The following BTG4 variants were observed in gnomAD, a reference collection of about 807,000 sequenced individuals.
The protein encoded by BTG4 is BTG anti-proliferation factor 4.
A neutral mutation model predicts 19.3 loss-of-function variants in BTG4; 10 were observed. The observed-to-expected ratio is 0.52, with a 90% CI of 0.32 to 0.88. The LOEUF is 0.88. Ranked by LOEUF, BTG4 falls within the 40% of genes least tolerant of loss-of-function variation. The pLI is 0.04. For synonymous variants in BTG4, 91 were observed against 95.7 expected (o/e 0.95, Z 0.29); for missense variants, 238 against 281.9 (o/e 0.84, Z 1.11).
intron 1 of BTG4, among the ~76,000 whole-genome samples, chr11:111,500,466 T>C (rs1866000536): frequency 1.3e-5 from 2 of 152,238 alleles, no homozygotes; most frequent in African/African-American, 4.8e-5. Flanking sequence ...GATTTTCCTA[T>C]ATGTGCAGCC....
At chr11:111,426,097 AT>A in the BTG4 span, among the ~76,000 whole-genome samples, 1 of 152,304 alleles carries the variant, frequency 6.6e-6, no homozygotes, top group South Asian at 2.1e-4. Flanking sequence ...GAATGTTGGC[AT>A]CATTATCCAA....
At chr11:111,488,081 C>T (rs1865175457) in intron 5 of BTG4, among the ~76,000 whole-genome samples, 1 of 152,088 alleles carries the variant, frequency 6.6e-6, no homozygotes, top group Non-Finnish European at 1.5e-5. Context: ...CAATGACATT[C>T]TTCACAGAAA....
chr11:111,456,140 G>A, the BTG4 span, among the ~76,000 whole-genome samples: 1 of 152,210 alleles, frequency 6.6e-6, no homozygotes, highest in South Asian at 2.1e-4. The surrounding 1 kb of genome is among the most constrained non-coding windows in gnomAD (Gnocchi z 4.2). Context: ...TAGATCCGGA[G>A]GCACTTCCTG....
chr11:111,391,556 C>A, the BTG4 span, among the ~76,000 whole-genome samples: 1 of 152,062 alleles, frequency 6.6e-6, no homozygotes, highest in Non-Finnish European at 1.5e-5. Flanking sequence ...GCGGCACAGG[C>A]GGAGTTATGC....
chr11:111,460,554 G>C, the BTG4 span, among the ~76,000 whole-genome samples: 1 of 151,942 alleles, frequency 6.6e-6, no homozygotes, highest in African/African-American at 2.4e-5. Flanking sequence ...TGTTAAGAAA[G>C]CTCAGGGGAG....
chr11:111,491,433 T>C (rs1358623157), downstream of BTG4, among the ~76,000 whole-genome samples: 7 of 152,078 alleles, frequency 4.6e-5, no homozygotes, highest in African/African-American at 1.7e-4. Flanking sequence ...AATTTATAAT[T>C]ACCTCAAGAT....
At chr11:111,388,964 A>G in the BTG4 span, among the ~76,000 whole-genome samples, 1 of 152,260 alleles carries the variant, frequency 6.6e-6, no homozygotes, top group African/African-American at 2.4e-5. Flanking sequence ...TAAGCCCTCC[A>G]GTGACTCAGG....
At chr11:111,388,680 C>T in the BTG4 span, among the ~76,000 whole-genome samples, 1 of 152,186 alleles carries the variant, frequency 6.6e-6, no homozygotes, top group Admixed American at 6.5e-5. Flanking sequence ...ACCTGGCACA[C>T]ACTCTGCCTG....
At chr11:111,444,238 C>T in the BTG4 span, among the ~76,000 whole-genome samples, 1 of 129,864 alleles carries the variant, frequency 7.7e-6, no homozygotes, top group Admixed American at 9.2e-5. Flanking sequence ...GTATGTGTGA[C>T]TGAGAGACAG....
the BTG4 span, among the ~76,000 whole-genome samples, chr11:111,461,524 C>A: frequency 6.6e-6 from 1 of 152,152 alleles, no homozygotes; most frequent in Non-Finnish European, 1.5e-5. Context: ...AGGTCAAGAC[C>A]AGCCTGGCCA....
At chr11:111,398,144 C>T in the BTG4 span, 1 of 152,178 alleles carries the variant, frequency 6.6e-6, no homozygotes, top group African/African-American at 2.4e-5. Flanking sequence ...CACTGTCTTT[C>T]CTACCGAAAG....
chr11:111,410,995 T>C, the BTG4 span, among the ~76,000 whole-genome samples: 5 of 152,202 alleles, frequency 3.3e-5, no homozygotes, highest in Non-Finnish European at 5.9e-5. Flanking sequence ...TCCGCCGACA[T>C]TACCACACTA....
the BTG4 span, among the ~76,000 whole-genome samples, chr11:111,392,177 T>C: frequency 8.7e-6 from 1 of 114,792 alleles, no homozygotes; most frequent in East Asian, 2.2e-4. Flanking sequence ...TTCTTTTTTT[T>C]TTTTTTTTTT....
At chr11:111,461,992 C>T in the BTG4 span, 11 of 153,060 alleles carry the variant, frequency 7.2e-5, 1 homozygote, top group African/African-American at 9.6e-5. Context: ...GCACCTGAGC[C>T]AGGAGCTCCA....
the BTG4 span, among the ~76,000 whole-genome samples, chr11:111,386,819 T>C: frequency 6.6e-6 from 1 of 152,228 alleles, no homozygotes; most frequent in South Asian, 2.1e-4. Flanking sequence ...CCACATATTC[T>C]TTACATAGTG....
At chr11:111,461,348 TGGACTTC>T in the BTG4 span, among the ~76,000 whole-genome samples, 1 of 152,192 alleles carries the variant, frequency 6.6e-6, no homozygotes, top group Non-Finnish European at 1.5e-5. Flanking sequence ...CTGTCTCCTC[TGGACTTC>T]CCAAGAGAGG....
the BTG4 span, chr11:111,451,554 C>T: frequency 1.8e-5 from 6 of 331,316 alleles, no homozygotes; most frequent in African/African-American, 8.3e-5. Context: ...TCACCTGGGT[C>T]GGAAGTTCGA....
chr11:111,457,581 C>A, the BTG4 span, among the ~76,000 whole-genome samples: 1 of 152,142 alleles, frequency 6.6e-6, no homozygotes, highest in African/African-American at 2.4e-5. Flanking sequence ...TCCCTCTCCC[C>A]TTCCCCATCT....
At chr11:111,489,705 A>G (rs938503975) in intron 5 of BTG4, among the ~76,000 whole-genome samples, 7 of 152,180 alleles carry the variant, frequency 4.6e-5, no homozygotes, top group African/African-American at 1.7e-4. Context: ...TTGCAACAAC[A>G]TGGATGGAAC....
Sources: gnomAD v4.1 joint callset for allele counts (sites outside exome capture counted in the v4.1 genomes callset) on GRCh38, gnomAD v4.1.1 for gene constraint, Gnocchi (gnomAD v3.1) non-coding constraint, MANE v1.5 for transcripts, NCBI Gene and HGNC (gene_info 2026-07-23, HGNC 2026-07-21) for gene names.